RAB6A: variants seen among roughly 807,000 people sequenced by gnomAD.
The protein encoded by RAB6A is ras-related protein Rab-6A.
In RAB6A, 8 loss-of-function variants were observed where a neutral mutation model predicts 32.3. That is an observed-to-expected ratio of 0.25 (90% CI 0.15 to 0.45). The LOEUF is 0.45. Among genes scored for constraint, RAB6A ranks in the 20% least tolerant of loss-of-function variants. RAB6A has a pLI of 1.00. For missense variants in RAB6A, 104 were observed against 249.4 expected (o/e 0.42, Z 3.93); for synonymous variants, 73 against 82.1 (o/e 0.89, Z 0.60).
intron 1 of RAB6A, among the ~76,000 whole-genome samples, chr11:73,742,652 A>C (rs1946517143): frequency 6.6e-6 from 1 of 152,156 alleles, no homozygotes; most frequent in Non-Finnish European, 1.5e-5. Flanking sequence ...TCGCTACTAA[A>C]AATACAAAAT....
intron 1 of RAB6A, among the ~76,000 whole-genome samples, chr11:73,756,287 G>C (rs989495001): frequency 4.6e-5 from 7 of 152,168 alleles, no homozygotes; most frequent in Non-Finnish European, 8.8e-5. Flanking sequence ...CTGGGAGGTG[G>C]AGGGTGCAGT....
chr11:73,729,121 T>C (rs1014158710), intron 2 of RAB6A, among the ~76,000 whole-genome samples: 1 of 152,136 alleles, frequency 6.6e-6, no homozygotes, highest in Non-Finnish European at 1.5e-5. Flanking sequence ...ATTTTTGAGA[T>C]GGAGTCTCAC....
At chr11:73,728,864 G>C (rs1170248820) in intron 2 of RAB6A, among the ~76,000 whole-genome samples, 1 of 151,850 alleles carries the variant, frequency 6.6e-6, no homozygotes, top group African/African-American at 2.4e-5. Flanking sequence ...AAGTATTGGT[G>C]TTGTTCTCTA....
chr11:73,724,076 C>T (rs906319538), intron 2 of RAB6A, among the ~76,000 whole-genome samples: 5 of 152,044 alleles, frequency 3.3e-5, no homozygotes, highest in African/African-American at 4.8e-5. Flanking sequence ...TCCATATAAA[C>T]GCTTATGCAT....
chr11:73,732,964 C>T (rs1430450356), intron 1 of RAB6A, among the ~76,000 whole-genome samples: 1 of 152,030 alleles, frequency 6.6e-6, no homozygotes, highest in Non-Finnish European at 1.5e-5. Context: ...AGGCGTGTGC[C>T]ACCATGCCTG....
intron 6 of RAB6A, among the ~76,000 whole-genome samples, chr11:73,703,111 C>G (rs1945773310): frequency 1.3e-5 from 2 of 151,704 alleles, no homozygotes; most frequent in African/African-American, 4.8e-5. Flanking sequence ...CATGAGCAAC[C>G]ATGCCTGGCC....
chr11:73,734,178 T>G (rs1210720422), intron 1 of RAB6A, among the ~76,000 whole-genome samples: 1 of 152,120 alleles, frequency 6.6e-6, no homozygotes, highest in Non-Finnish European at 1.5e-5. Context: ...CAGGCTGGAG[T>G]GCAGTGACAC....
At chr11:73,730,478 G>A (rs1946286440) in intron 2 of RAB6A, 1 of 275,990 alleles carries the variant, frequency 3.6e-6, no homozygotes, top group South Asian at 1.4e-4. Context: ...CAGAATCCTA[G>A]GCTTGGACAA....
In RAB6A at chr11:73,677,628, T is replaced by A; in HGVS notation, c.*270A>T. ...ATCATAACATTAAAAAAGAAAAAAATGTTAAGAAAATGTATCTAATTTTTA... is the reference window on the plus strand; with the variant it reads ...ATCATAACATTAAAAAAGAAAAAAAAGTTAAGAAAATGTATCTAATTTTTA... On this transcript the variant is annotated 3_prime_UTR_variant, in exon 8 of 8. Coordinates refer to ENST00000336083, the MANE Select transcript of RAB6A (RefSeq NM_198896.2). 3 of 815,530 alleles carry A rather than the reference T, an allele frequency of 3.7e-6. No individual in the cohort carries two copies. Among genetic ancestry groups the A allele is most frequent in the Non-Finnish European group, 5.6e-6 (3 of 537,432 alleles). The allele number at this position is 815,530 out of a possible 1,614,324, so 50.5% of individuals were successfully genotyped here.
At chr11:73,736,324 G>C (rs1239089451) in intron 1 of RAB6A, among the ~76,000 whole-genome samples, 5 of 152,006 alleles carry the variant, frequency 3.3e-5, no homozygotes, top group Non-Finnish European at 7.4e-5. Flanking sequence ...AGCTACTTGG[G>C]AGGCTGAGGC....
At position 73,692,851 on chromosome 11, in the gene RAB6A, C is replaced by T. The variant is rs1209200581; in HGVS notation, c.496-13131G>A. Among the ~76,000 whole-genome samples the T allele has an allele frequency of 2.7e-5, 4 of 149,794 alleles. No individual in the cohort carries two copies. The East Asian group carries it at 7.9e-4, about 29-fold the overall frequency. On this transcript the variant is annotated intron_variant, in intron 6 of 7. Coordinates refer to ENST00000336083, the MANE Select transcript of RAB6A (RefSeq NM_198896.2). ...TGGCAGGCGCCTGTAGTCCCAGCTACGCGGGAGGCTGAGGCAGGAGAATGG... is the reference window on the plus strand; with the variant it reads ...TGGCAGGCGCCTGTAGTCCCAGCTATGCGGGAGGCTGAGGCAGGAGAATGG...
chr11:73,751,383 A>G (rs950689135), intron 1 of RAB6A, among the ~76,000 whole-genome samples: 1 of 152,170 alleles, frequency 6.6e-6, no homozygotes, highest in African/African-American at 2.4e-5. Context: ...AGCAAATGGA[A>G]AAGTAGTAAT....
chr11:73,682,762 G>A (rs1005288184), intron 6 of RAB6A, among the ~76,000 whole-genome samples: 1 of 152,080 alleles, frequency 6.6e-6, no homozygotes, highest in African/African-American at 2.4e-5. Context: ...CTCCTGGGCT[G>A]AAGTGATCCT....
At chr11:73,751,685 G>A (rs1192778667) in intron 1 of RAB6A, among the ~76,000 whole-genome samples, 1 of 152,170 alleles carries the variant, frequency 6.6e-6, no homozygotes, top group African/African-American at 2.4e-5. Context: ...AGGTACAGCT[G>A]AGGGATAGAG....
chr11:73,740,751 G>A (rs1053535527), intron 1 of RAB6A, among the ~76,000 whole-genome samples: 3 of 152,080 alleles, frequency 2.0e-5, no homozygotes, highest in Non-Finnish European at 4.4e-5. Context: ...GGCCAGGCGT[G>A]ATGGCATGCG....
intron 1 of RAB6A, among the ~76,000 whole-genome samples, 199 bp downstream of exon 1, chr11:73,760,367 G>A (rs1946825737): frequency 6.6e-6 from 1 of 152,146 alleles, no homozygotes; most frequent in South Asian, 2.1e-4. Context: ...GTCGAGGATT[G>A]AAGAACCCGG....
chr11:73,709,910 TACATATATATAC>T (rs1287935574), intron 5 of RAB6A, among the ~76,000 whole-genome samples: 7 of 146,700 alleles, frequency 4.8e-5, no homozygotes, highest in Non-Finnish European at 7.4e-5. Context: ...CACACATATA[TACATATATATAC>T]ACATATATAT....
At chr11:73,694,204 A>ATT (rs1244650357) in intron 6 of RAB6A, among the ~76,000 whole-genome samples, 1 of 152,192 alleles carries the variant, frequency 6.6e-6, no homozygotes, top group Non-Finnish European at 1.5e-5. Context: ...CTGTAGTAAC[A>ATT]ATTTTTAAGG....
At position 73,676,079 on chromosome 11, in the gene RAB6A, T is replaced by A. The variant is rs1945266223; in HGVS notation, c.*1819A>T. ...AGCATTTCTCTATTCAGATCCATAA[T>A]CCAAGTGCTCTCTGAATATTACAAG... is the stretch of plus-strand genomic sequence containing the variant. On this transcript the variant is annotated 3_prime_UTR_variant, in exon 8 of 8. Coordinates refer to ENST00000336083, the MANE Select transcript of RAB6A (RefSeq NM_198896.2). 6.0e-6 allele frequency: 1 copy of A among 167,084 alleles called. No homozygotes were observed. The highest frequency in any genetic ancestry group is 1.5e-5 in the Non-Finnish European group (1 of 68,108). 10.4% of individuals were successfully genotyped at this position (167,084 alleles called of 1,614,324 possible).
Sources: gnomAD v4.1 joint callset for allele counts (sites outside exome capture counted in the v4.1 genomes callset) on GRCh38, gnomAD v4.1.1 for gene constraint, MANE v1.5 for transcripts, NCBI Gene and HGNC (gene_info 2026-07-23, HGNC 2026-07-21) for gene names.